PLCB1: variants seen among roughly 807,000 people sequenced by gnomAD.
PLCB1 encodes the protein phospholipase C beta 1, also known as 1-phosphatidylinositol 4,5-bisphosphate phosphodiesterase beta-1.
In PLCB1, 46 loss-of-function variants were observed where a neutral mutation model predicts 161.8. The observed-to-expected ratio is 0.28, with a 90% CI of 0.22 to 0.36. The LOEUF is 0.36. Among genes scored for constraint, PLCB1 ranks in the 10% least tolerant of loss-of-function variants. PLCB1 has a pLI of 1.00. For missense variants in PLCB1, 1,016 were observed against 1,472.5 expected (o/e 0.69, Z 5.07); for synonymous variants, 517 against 503.7 (o/e 1.03, Z -0.35).
intron 3 of PLCB1, among the ~76,000 whole-genome samples, chr20:8,439,536 G>A (rs939505100): frequency 3.3e-5 from 5 of 152,104 alleles, no homozygotes; most frequent in Admixed American, 1.3e-4. Flanking sequence ...TACATGGCTC[G>A]TACTATTTAG....
intron 31 of PLCB1, among the ~76,000 whole-genome samples, chr20:8,873,372 G>C (rs1469993392): frequency 3.3e-5 from 5 of 152,092 alleles, no homozygotes; most frequent in Admixed American, 3.3e-4. Context: ...TATCCACTTA[G>C]CTAACTGATG....
At chr20:8,382,445 G>A (rs912524513) in intron 3 of PLCB1, among the ~76,000 whole-genome samples, 6 of 111,370 alleles carry the variant, frequency 5.4e-5, no homozygotes, top group African/African-American at 2.0e-4. Flanking sequence ...ACCACACCTG[G>A]CTAATTTTTT....
At position 8,216,127 on chromosome 20, in the gene PLCB1, T is replaced by C. The variant is rs569948288; in HGVS notation, c.177+65756T>C. On this transcript the variant is annotated intron_variant, in intron 2 of 31. Coordinates refer to ENST00000338037, the MANE Select transcript of PLCB1 (RefSeq NM_015192.4). Reference sequence around the variant, plus strand: ...ACATGGGGACATGAGTTCAGAAAAATTGGAAGGCTCTCACAGTTGAAGAAC... The same window carrying C: ...ACATGGGGACATGAGTTCAGAAAAACTGGAAGGCTCTCACAGTTGAAGAAC... Among the ~76,000 whole-genome samples the C allele has an allele frequency of 3.9e-5, 6 of 152,176 alleles. No homozygotes were observed. The South Asian group carries it at 1.0e-3, about 26-fold the overall frequency.
chr20:8,226,037 G>C (rs1979662896), intron 2 of PLCB1, among the ~76,000 whole-genome samples: 1 of 152,136 alleles, frequency 6.6e-6, no homozygotes, highest in Admixed American at 6.6e-5. Context: ...TAGGCACATG[G>C]TAAGGGCCAT....
intron 3 of PLCB1, among the ~76,000 whole-genome samples, chr20:8,382,027 T>C (rs1045156641): frequency 6.6e-6 from 1 of 152,170 alleles, no homozygotes; most frequent in Admixed American, 6.5e-5. Flanking sequence ...CTTCTATAAC[T>C]CTTTTAATTG....
intron 31 of PLCB1, among the ~76,000 whole-genome samples, chr20:8,855,620 AG>A (rs540079686): frequency 4.5e-4 from 69 of 152,358 alleles, no homozygotes; most frequent in African/African-American, 1.4e-3. Flanking sequence ...GGGAGAGAGC[AG>A]GAACATTTTG....
At chr20:8,300,590 T>G (rs1161452921) in intron 2 of PLCB1, among the ~76,000 whole-genome samples, 1 of 152,192 alleles carries the variant, frequency 6.6e-6, no homozygotes, top group Non-Finnish European at 1.5e-5. Context: ...GTGCACAATG[T>G]GCAGGTTTGT....
At chr20:8,291,096 T>G (rs1983363632) in intron 2 of PLCB1, among the ~76,000 whole-genome samples, 1 of 151,104 alleles carries the variant, frequency 6.6e-6, no homozygotes, top group South Asian at 2.1e-4. Context: ...GAAAATTGAG[T>G]AGAAGCTTCT....
rs143967166 is a variant in PLCB1 at position 8,618,731 on chromosome 20, G to GCA, written c.247-9548_247-9547dup. Reference sequence around the variant, plus strand: ...TTTTCTTACTTTCACCTCAAAAGAAGCACACACACACACACAAAGGCATAT... The same window carrying GCA: ...TTTTCTTACTTTCACCTCAAAAGAAGCACACACACACACACACAAAGGCATAT... On this transcript the variant is annotated intron_variant, in intron 3 of 31. Coordinates refer to ENST00000338037, the MANE Select transcript of PLCB1 (RefSeq NM_015192.4). Among the ~76,000 whole-genome samples, 39 of 151,366 alleles carry GCA rather than the reference G, an allele frequency of 2.6e-4. No individual in the cohort carries two copies. The East Asian group carries it at 2.7e-3, about 11-fold the overall frequency.
intron 31 of PLCB1, among the ~76,000 whole-genome samples, chr20:8,861,298 A>G (rs989828067): frequency 1.2e-4 from 18 of 152,390 alleles, no homozygotes; most frequent in South Asian, 2.1e-4. Flanking sequence ...AAGGCACAGG[A>G]AATGTTAGTA....
intron 2 of PLCB1, among the ~76,000 whole-genome samples, chr20:8,245,324 A>G (rs185080306): frequency 1.1e-4 from 17 of 151,994 alleles, no homozygotes; most frequent in Non-Finnish European, 2.5e-4. Flanking sequence ...GTGTACACCC[A>G]CACATACTAA....
At chr20:8,703,534 C>T (rs1978489962) in intron 11 of PLCB1, among the ~76,000 whole-genome samples, 1 of 152,104 alleles carries the variant, frequency 6.6e-6, no homozygotes, top group Non-Finnish European at 1.5e-5. Context: ...TTGTAGTAAA[C>T]TAAACACAGC....
At chr20:8,219,264 G>T (rs529539508) in intron 2 of PLCB1, among the ~76,000 whole-genome samples, 146 of 152,288 alleles carry the variant, frequency 9.6e-4, no homozygotes, top group South Asian at 3.7e-3. Flanking sequence ...ATATTTAAAT[G>T]AGAGTATTAT....
intron 18 of PLCB1, among the ~76,000 whole-genome samples, chr20:8,731,376 G>A (rs1600282757): frequency 6.6e-6 from 1 of 151,910 alleles, no homozygotes; most frequent in Admixed American, 6.6e-5. Flanking sequence ...AACTATTAAT[G>A]TTAACTATAG....
Position 8,708,732 on chromosome 20 carries a change from G to A in PLCB1, c.1230G>A (p.Ser410=), listed in dbSNP as rs148848282. The change falls in exon 12 of 32, where the codon TCG becomes TCA. Residue 410 remains serine (S), a synonymous_variant. Coordinates refer to ENST00000338037, the MANE Select transcript of PLCB1 (RefSeq NM_015192.4). The stretch of plus-strand genomic sequence containing the variant: ...CTTCACCTTTTCCAATTCTCCTTTC[G>A]TTTGAGAACCATGTGGATTCGTAAG... The part of the protein sequence containing the change: ...FKTSPFPILL[S]FENHVDSPKQ... 1.5e-3 allele frequency: 2,382 copies of A among 1,611,642 alleles called. 2 individuals carry two copies. Among genetic ancestry groups the A allele is most frequent in the Non-Finnish European group, 1.9e-3 (2,276 of 1,178,018 alleles).
At chr20:8,604,482 T>C (rs1190617528) in intron 3 of PLCB1, among the ~76,000 whole-genome samples, 1 of 152,132 alleles carries the variant, frequency 6.6e-6, no homozygotes, top group Non-Finnish European at 1.5e-5. Context: ...ATACAATTAC[T>C]AAGGTTTCCC....
chr20:8,496,907 A>G (rs534817235), intron 3 of PLCB1, among the ~76,000 whole-genome samples: 1 of 152,312 alleles, frequency 6.6e-6, no homozygotes, highest in African/African-American at 2.4e-5. Context: ...AAGAGATAAT[A>G]TCCTCACTTT....
At chr20:8,628,598 T>G in intron 4 of PLCB1, 167 bp downstream of exon 4, 1 of 648,670 alleles carries the variant, frequency 1.5e-6, no homozygotes, top group Middle Eastern at 3.9e-4. Flanking sequence ...TACTTCTAAA[T>G]AATGGCATCA....
At chr20:8,221,412 G>A (rs1177186357) in intron 2 of PLCB1, among the ~76,000 whole-genome samples, 1 of 151,950 alleles carries the variant, frequency 6.6e-6, no homozygotes, top group Admixed American at 6.6e-5. Context: ...TGCAACTTTT[G>A]GGCACTGTTT....
Sources: allele counts gnomAD v4.1 joint callset (sites outside exome capture counted in the v4.1 genomes callset), GRCh38; gene constraint gnomAD v4.1.1; transcripts MANE v1.5; gene names NCBI Gene and HGNC (gene_info 2026-07-23, HGNC 2026-07-21).